Variants in ZFAND3 observed in about 807,000 individuals in gnomAD.
The protein encoded by ZFAND3 is zinc finger AN1-type containing 3.
In ZFAND3, 10 loss-of-function variants were observed where a neutral mutation model predicts 29.6. The observed-to-expected ratio is 0.34, with a 90% CI of 0.21 to 0.57. The LOEUF is 0.57. Ranked by LOEUF, ZFAND3 falls within the 20% of genes least tolerant of loss-of-function variation. The probability of loss-of-function intolerance (pLI) is 0.86; values close to 1 mark genes in which losing one functional copy is unlikely to be tolerated. For missense variants in ZFAND3, 230 were observed against 304.5 expected (o/e 0.76, Z 1.82); for synonymous variants, 128 against 112.6 (o/e 1.14, Z -0.87).
chr6:38,064,427 A>G (rs1561986027), intron 3 of ZFAND3, among the ~76,000 whole-genome samples: 1 of 152,250 alleles, frequency 6.6e-6, no homozygotes, highest in African/African-American at 2.4e-5. Flanking sequence ...AAAAAGATTA[A>G]GTAATTTGCC....
intron 4 of ZFAND3, among the ~76,000 whole-genome samples, chr6:38,100,738 T>C (rs9296236): frequency 0.11 from 16,403 of 152,258 alleles, 1,302 homozygotes; most frequent in African/African-American, 0.22. Context: ...GATTTTTCTT[T>C]TTTTAACATA....
chr6:37,951,632 T>G (rs541586185), intron 2 of ZFAND3, among the ~76,000 whole-genome samples: 59 of 152,146 alleles, frequency 3.9e-4, no homozygotes, highest in African/African-American at 1.3e-3. Context: ...CATATATCAT[T>G]TGCAGAAAGC....
chr6:37,982,618 C>A (rs920976965), intron 2 of ZFAND3, among the ~76,000 whole-genome samples: 2 of 152,052 alleles, frequency 1.3e-5, no homozygotes, highest in South Asian at 4.2e-4. Context: ...TACTGTGCTG[C>A]CAGTTGTATA....
intron 2 of ZFAND3, among the ~76,000 whole-genome samples, chr6:37,968,540 A>T (rs1204268656): frequency 3.3e-5 from 5 of 151,994 alleles, no homozygotes; most frequent in African/African-American, 1.2e-4. Context: ...AGCAGTAAGG[A>T]TGGCTAGCAG....
chr6:38,030,612 A>G (rs887626769), intron 2 of ZFAND3, among the ~76,000 whole-genome samples: 1 of 152,184 alleles, frequency 6.6e-6, no homozygotes, highest in South Asian at 2.1e-4. Flanking sequence ...GAACTCCAGA[A>G]GGCAGTAGGA....
chr6:37,873,471 G>T (rs1764735640), intron 1 of ZFAND3, among the ~76,000 whole-genome samples: 1 of 152,220 alleles, frequency 6.6e-6, no homozygotes, highest in Admixed American at 6.5e-5. Context: ...TTATGCGGTT[G>T]TGATTCTTGG....
chr6:37,852,163 A>G (rs1182793662), intron 1 of ZFAND3, among the ~76,000 whole-genome samples: 1 of 152,194 alleles, frequency 6.6e-6, no homozygotes, highest in Non-Finnish European at 1.5e-5. Flanking sequence ...CAGTTTATTT[A>G]TCTCATAAAG....
At chr6:38,122,094 T>C (rs1765546045) in intron 5 of ZFAND3, among the ~76,000 whole-genome samples, 1 of 152,220 alleles carries the variant, frequency 6.6e-6, no homozygotes, top group Non-Finnish European at 1.5e-5. Context: ...CATGGACTCA[T>C]GGGCTCTTAT....
At chr6:37,882,074 C>T (rs1036001365) in intron 1 of ZFAND3, among the ~76,000 whole-genome samples, 35 of 152,230 alleles carry the variant, frequency 2.3e-4, no homozygotes, top group African/African-American at 7.2e-4. Flanking sequence ...AAGTATGTCT[C>T]GTGCAAAGAT....
chr6:37,940,867 T>C (rs1761799155), intron 2 of ZFAND3, among the ~76,000 whole-genome samples: 1 of 152,222 alleles, frequency 6.6e-6, no homozygotes, highest in South Asian at 2.1e-4. Flanking sequence ...TGGAGAATGC[T>C]GAAAGACAGA....
At chr6:37,871,255 A>G (rs1462707430) in intron 1 of ZFAND3, among the ~76,000 whole-genome samples, 1 of 152,136 alleles carries the variant, frequency 6.6e-6, no homozygotes, top group African/African-American at 2.4e-5. Flanking sequence ...TTTTGTATCC[A>G]GTGAATGTTC....
chr6:38,002,634 C>G (rs1038928121), intron 2 of ZFAND3, among the ~76,000 whole-genome samples: 3 of 152,210 alleles, frequency 2.0e-5, no homozygotes, highest in East Asian at 1.9e-4. Flanking sequence ...CACTGCACTG[C>G]AGCCTGGGTG....
intron 1 of ZFAND3, among the ~76,000 whole-genome samples, chr6:37,839,273 C>G (rs1328708158): frequency 2.6e-5 from 4 of 151,646 alleles, no homozygotes; most frequent in African/African-American, 9.7e-5. Context: ...CTCCGCCTCC[C>G]AGGTTCAAGC....
At chr6:37,931,279 T>G (rs1761589954) in intron 2 of ZFAND3, among the ~76,000 whole-genome samples, 1 of 152,174 alleles carries the variant, frequency 6.6e-6, no homozygotes, top group Admixed American at 6.5e-5. Flanking sequence ...AGATGCTGGC[T>G]AGAACAAACA....
chr6:38,122,021 G>A (rs950061681), intron 5 of ZFAND3, among the ~76,000 whole-genome samples: 1 of 152,090 alleles, frequency 6.6e-6, no homozygotes, highest in African/African-American at 2.4e-5. Context: ...TTACTATTTG[G>A]CACTCAGCAT....
chr6:38,101,491 T>C (rs1765091249), intron 4 of ZFAND3, among the ~76,000 whole-genome samples: 1 of 152,156 alleles, frequency 6.6e-6, no homozygotes, highest in South Asian at 2.1e-4. Context: ...TATTTATTTA[T>C]AAGCTTAAGG....
At chr6:37,909,359 A>C (rs945418693) in intron 1 of ZFAND3, among the ~76,000 whole-genome samples, 16 of 149,438 alleles carry the variant, frequency 1.1e-4, no homozygotes, top group African/African-American at 3.9e-4. Context: ...AGCTCACTGC[A>C]TCCTCCGCCT....
chr6:37,891,298 T>G (rs1262501809), intron 1 of ZFAND3, among the ~76,000 whole-genome samples: 1 of 152,182 alleles, frequency 6.6e-6, no homozygotes, highest in African/African-American at 2.4e-5. Flanking sequence ...TTGTTACCAT[T>G]TTTTGTTTAG....
In ZFAND3 at chr6:38,082,457, G is replaced by C. The variant is rs1456706158; in HGVS notation, c.361G>C (p.Asp121His). The C allele has an allele frequency of 6.2e-7, 1 of 1,610,848 alleles. No homozygotes were observed. Among genetic ancestry groups the C allele is most frequent in the Non-Finnish European group, 8.5e-7 (1 of 1,178,232 alleles). ...ACCAACAAAAAGATCCTGTGGTACA[G>C]GTATGTACGTCATTCTTATGTGAAT... ...ITPTKRSCGTDSQSENEASPV... is the reference protein window; with the variant it reads ...ITPTKRSCGTHSQSENEASPV... Residue 121 changes from aspartate (D) to histidine (H), a missense_variant and splice_region_variant, in exon 4 of 6, where the codon GAT becomes CAT. Physicochemically the swap from Asp to His is moderately conservative, Grantham distance 81 (BLOSUM62 -1). Around this residue, in one of 2 missense-constraint regions of ZFAND3, gnomAD observed 180 missense variants for 202.5 expected, o/e 0.89. Coordinates refer to ENST00000287218, the MANE Select transcript of ZFAND3 (RefSeq NM_021943.3).
Sources: allele counts gnomAD v4.1 joint callset (sites outside exome capture counted in the v4.1 genomes callset), GRCh38; gene constraint gnomAD v4.1.1; regional missense constraint gnomAD v4.1.1; transcripts MANE v1.5; gene names NCBI Gene and HGNC (gene_info 2026-07-23, HGNC 2026-07-21).